The following PLEKHM3 variants were observed in gnomAD, a reference collection of about 807,000 sequenced individuals.
PLEKHM3 encodes the protein pleckstrin homology domain containing M3, also known as pleckstrin homology domain-containing family M member 3.
Under a neutral mutation model 81.8 loss-of-function variants are expected in PLEKHM3, and 45 were observed. That is an observed-to-expected ratio of 0.55 (90% CI 0.43 to 0.71). The LOEUF (loss-of-function observed/expected upper bound fraction) is 0.71, where lower values mean the gene tolerates loss of function less well. PLEKHM3 is among the 30% of genes least tolerant of loss of function. The probability of loss-of-function intolerance (pLI) is 0.00; values close to 1 mark genes in which losing one functional copy is unlikely to be tolerated. For missense variants in PLEKHM3, 788 were observed against 924.3 expected (o/e 0.85, Z 1.91); for synonymous variants, 352 against 356.4 (o/e 0.99, Z 0.14).
intron 4 of PLEKHM3, 122 bp from the exon 5 acceptor site, chr2:207,931,241 A>C: frequency 1.1e-6 from 1 of 934,216 alleles, no homozygotes; most frequent in South Asian, 2.0e-5. Flanking sequence ...CAGACAAATG[A>C]AAAAGTCTGT....
chr2:207,909,429 A>G, intron 5 of PLEKHM3, among the ~76,000 whole-genome samples: 1 of 152,210 alleles, frequency 6.6e-6, no homozygotes, highest in East Asian at 1.9e-4. Context: ...TGTGTCTTAA[A>G]TGAAAGAAAC....
chr2:207,992,456 A>C (rs556663341), intron 2 of PLEKHM3, among the ~76,000 whole-genome samples: 2 of 152,336 alleles, frequency 1.3e-5, no homozygotes, highest in East Asian at 3.9e-4. Flanking sequence ...AACTTCATTC[A>C]ACTTGAATCA....
At chr2:208,003,092 A>T (rs1692367530) in intron 1 of PLEKHM3, among the ~76,000 whole-genome samples, 1 of 152,116 alleles carries the variant, frequency 6.6e-6, no homozygotes, top group African/African-American at 2.4e-5. Flanking sequence ...AGGTAATCGA[A>T]TCGTGGGGGC....
chr2:207,914,358 C>T (rs1036980452), intron 5 of PLEKHM3, among the ~76,000 whole-genome samples: 18 of 151,966 alleles, frequency 1.2e-4, no homozygotes, highest in African/African-American at 3.9e-4. Context: ...ATTAGCTGGG[C>T]ATGGTGGCGC....
intron 6 of PLEKHM3, among the ~76,000 whole-genome samples, chr2:207,898,574 C>T (rs1299434529): frequency 2.0e-5 from 3 of 152,074 alleles, no homozygotes; most frequent in African/African-American, 7.2e-5. Flanking sequence ...GGCGACATGG[C>T]GAAAACACAT....
chr2:207,931,004 C>G lies in PLEKHM3; in HGVS notation c.1808G>C (p.Arg603Pro), dbSNP rs949046017. 1 of 1,613,836 alleles carries G rather than the reference C, an allele frequency of 6.2e-7. No individual in the cohort carries two copies. The highest frequency in any genetic ancestry group is 8.5e-7 in the Non-Finnish European group (1 of 1,179,868). Residue 603 changes from arginine (R) to proline (P), a missense_variant, in exon 5 of 8, where the codon CGG becomes CCG. Arg to Pro is a moderately radical substitution (Grantham distance 103). Transcript: ENST00000427836. ...HHAEPLAAVL[R>P]LRQRLKSLRA... Reference sequence around the variant, plus strand: ...GAGCGACTTCAGCCGCTGCCGCAGCCGCAGCACGGCGGCCAGCGGCTCTGC... The same window carrying G: ...GAGCGACTTCAGCCGCTGCCGCAGCGGCAGCACGGCGGCCAGCGGCTCTGC...
intron 1 of PLEKHM3, among the ~76,000 whole-genome samples, chr2:208,018,371 CAAA>C (rs56987058): frequency 8.9e-6 from 1 of 111,860 alleles, no homozygotes. Flanking sequence ...GACTCTGTCT[CAAA>C]AAAAAAAAAA....
intron 6 of PLEKHM3, among the ~76,000 whole-genome samples, chr2:207,881,820 G>A (rs1295200076): frequency 6.6e-6 from 1 of 152,036 alleles, no homozygotes; most frequent in African/African-American, 2.4e-5. Context: ...GAGCTACTGG[G>A]CCTAGTGAGG....
At chr2:207,853,827 G>C (rs1468881372) in intron 7 of PLEKHM3, among the ~76,000 whole-genome samples, 2 of 152,062 alleles carry the variant, frequency 1.3e-5, no homozygotes, top group Non-Finnish European at 2.9e-5. Flanking sequence ...CTGGAGTGCA[G>C]TGGCACGATC....
Position 208,001,184 on chromosome 2 carries a change from T to C in PLEKHM3, c.456A>G (p.Ser152=). ...TFKPGHARSR[S]DITQVDWRVV... ...CCCTCCAGTCCACTTGGGTAATATC[T>C]GATCGTGATCGAGCATGCCCTGGCT... is the stretch of plus-strand genomic sequence containing the variant. The change falls in exon 2 of 8, where the codon TCA becomes TCG. Residue 152 remains serine (S), a synonymous_variant. Transcript: ENST00000427836. 6.2e-7 allele frequency: 1 copy of C among 1,614,124 alleles called. No individual in the cohort carries two copies. Among genetic ancestry groups the C allele is most frequent in the Non-Finnish European group, 8.5e-7 (1 of 1,180,012 alleles).
At chr2:207,999,081 C>T (rs1473186141) in intron 2 of PLEKHM3, among the ~76,000 whole-genome samples, 6 of 151,922 alleles carry the variant, frequency 3.9e-5, no homozygotes, top group Non-Finnish European at 8.8e-5. Context: ...CTCCCAGGTT[C>T]AATCGATTTT....
chr2:207,833,750 G>A (rs551578668), intron 7 of PLEKHM3, among the ~76,000 whole-genome samples: 1 of 152,258 alleles, frequency 6.6e-6, no homozygotes, highest in African/African-American at 2.4e-5. Context: ...CATCCCTGTT[G>A]AGAACCACTG....
At chr2:207,829,226 G>A (rs2092270798) in intron 7 of PLEKHM3, among the ~76,000 whole-genome samples, 1 of 152,148 alleles carries the variant, frequency 6.6e-6, no homozygotes, top group Non-Finnish European at 1.5e-5. Flanking sequence ...TTGGCTTGGT[G>A]GAAGCCTGCA....
intron 1 of PLEKHM3, among the ~76,000 whole-genome samples, chr2:208,020,466 T>C (rs1334773333): frequency 1.3e-5 from 2 of 152,252 alleles, no homozygotes; most frequent in Non-Finnish European, 2.9e-5. Flanking sequence ...ATAAAACTTT[T>C]ACCTTGTCAG....
At position 207,924,648 on chromosome 2, in the gene PLEKHM3, G is replaced by A. The variant is rs146312664; in HGVS notation, c.1886+6278C>T. 2.7e-3 allele frequency among the ~76,000 whole-genome samples: 410 copies of A among 152,226 alleles called. 6 individuals are homozygous for A. The highest frequency in any genetic ancestry group is 9.3e-3 in the African/African-American group (388 of 41,542). On this transcript the variant is annotated intron_variant, in intron 5 of 7. Coordinates refer to ENST00000427836, the MANE Select transcript of PLEKHM3 (RefSeq NM_001080475.3). ...TGCAGTGAGCTGAGATCGCGCCACTGCACTCCAACCTGGGTGACAGAGAGA... is the reference window on the plus strand; with the variant it reads ...TGCAGTGAGCTGAGATCGCGCCACTACACTCCAACCTGGGTGACAGAGAGA...
chr2:207,901,533 C>CTG (rs1688426570), intron 6 of PLEKHM3, among the ~76,000 whole-genome samples: 1 of 152,236 alleles, frequency 6.6e-6, no homozygotes, highest in Admixed American at 6.5e-5. Flanking sequence ...GTTCCCCTCC[C>CTG]TGTACGATGT....
chr2:207,866,398 C>G (rs1444905821), intron 6 of PLEKHM3, among the ~76,000 whole-genome samples: 1 of 152,186 alleles, frequency 6.6e-6, no homozygotes, highest in African/African-American at 2.4e-5. Context: ...CTTGTGTGAT[C>G]TGCCTGCCTC....
intron 5 of PLEKHM3, among the ~76,000 whole-genome samples, chr2:207,919,492 G>A (rs1035557875): frequency 2.6e-5 from 4 of 152,188 alleles, no homozygotes; most frequent in East Asian, 3.9e-4. Context: ...TAATCCAGGC[G>A]AAAGGTGATG....
chr2:208,024,252 C>A (rs925048387), intron 1 of PLEKHM3, among the ~76,000 whole-genome samples: 1 of 151,920 alleles, frequency 6.6e-6, no homozygotes, highest in Non-Finnish European at 1.5e-5. Flanking sequence ...GAAACAGAAG[C>A]GCTAAGTAAA....
Sources: allele counts gnomAD v4.1 joint callset (sites outside exome capture counted in the v4.1 genomes callset), GRCh38; gene constraint gnomAD v4.1.1; transcripts MANE v1.5; gene names NCBI Gene and HGNC (gene_info 2026-07-23, HGNC 2026-07-21).